The following KIRREL3 variants were observed in gnomAD, a reference collection of about 807,000 sequenced individuals.
KIRREL3 encodes kin of IRRE-like protein 3.
In KIRREL3, 36 loss-of-function variants were observed where a neutral mutation model predicts 89.7. The observed-to-expected ratio is 0.40, with a 90% CI of 0.31 to 0.53. The LOEUF is 0.53. Among genes scored for constraint, KIRREL3 ranks in the 20% least tolerant of loss-of-function variants. The probability of loss-of-function intolerance (pLI) is 0.49; values close to 1 mark genes in which losing one functional copy is unlikely to be tolerated. For synonymous variants in KIRREL3, 445 were observed against 441.4 expected (o/e 1.01, Z -0.10); for missense variants, 864 against 1,056.6 (o/e 0.82, Z 2.53).
intron 4 of KIRREL3, among the ~76,000 whole-genome samples, chr11:126,487,586 CT>C (rs1957399700): frequency 6.6e-6 from 1 of 152,166 alleles, no homozygotes; most frequent in African/African-American, 2.4e-5. Flanking sequence ...CGACCTGAGC[CT>C]TCTTCTTTTT....
chr11:126,428,583 C>T lies in KIRREL3; in HGVS notation c.1806+596G>A, dbSNP rs1955020839. Among the ~76,000 whole-genome samples, 1 of 152,006 alleles carries T rather than the reference C, an allele frequency of 6.6e-6. No individual in the cohort carries two copies. Among genetic ancestry groups the T allele is most frequent in the Non-Finnish European group, 1.5e-5 (1 of 68,026 alleles). ...TATGTTATATAACAACATATTGTGG[C>T]AATTTATGCATATGTCTTTTCTCCT... On this transcript the variant is annotated intron_variant, in intron 15 of 16. Coordinates refer to ENST00000525144, the MANE Select transcript of KIRREL3 (RefSeq NM_032531.4). The surrounding 1 kb of genome is among the most constrained non-coding windows in gnomAD (Gnocchi z 6.4).
At chr11:126,862,162 G>A (rs1944726384) in intron 1 of KIRREL3, among the ~76,000 whole-genome samples, 1 of 152,212 alleles carries the variant, frequency 6.6e-6, no homozygotes, top group Non-Finnish European at 1.5e-5. Context: ...GCATCATGCT[G>A]TTCATACTAC....
chr11:126,843,917 C>T lies in KIRREL3; in HGVS notation c.55+156538G>A, dbSNP rs1944048155. ...CTCAAAAGGGGAGGCATGAATAATC[C>T]CCTTGTTTAGCATATTGTCAAGAAA... On this transcript the variant is annotated intron_variant, in intron 1 of 16. Coordinates refer to ENST00000525144, the MANE Select transcript of KIRREL3 (RefSeq NM_032531.4). The surrounding 1 kb of genome is among the most constrained non-coding windows in gnomAD (Gnocchi z 4.6). Among the ~76,000 whole-genome samples the T allele has an allele frequency of 1.3e-5, 2 of 152,122 alleles. No homozygotes were observed. Among genetic ancestry groups the T allele is most frequent in the South Asian group, 2.1e-4 (1 of 4,820 alleles).
intron 8 of KIRREL3, among the ~76,000 whole-genome samples, chr11:126,447,517 C>G (rs575157964): frequency 7.9e-5 from 12 of 152,346 alleles, no homozygotes; most frequent in Admixed American, 7.8e-4. Context: ...CTATTACAGC[C>G]GTTCCAGCCT....
At chr11:126,542,034 G>A (rs868409806) in intron 2 of KIRREL3, among the ~76,000 whole-genome samples, 9 of 152,218 alleles carry the variant, frequency 5.9e-5, no homozygotes, top group Non-Finnish European at 1.0e-4. Flanking sequence ...AGGACCCTCT[G>A]TGCAATGCTC....
At chr11:126,604,241 G>A (rs1274861409) in intron 1 of KIRREL3, among the ~76,000 whole-genome samples, 7 of 152,152 alleles carry the variant, frequency 4.6e-5, no homozygotes, top group African/African-American at 9.7e-5. Flanking sequence ...AAACGAGGAC[G>A]CAGAGCTGAC....
intron 2 of KIRREL3, among the ~76,000 whole-genome samples, chr11:126,552,627 T>A (rs1939375947): frequency 8.0e-6 from 1 of 125,160 alleles, no homozygotes; most frequent in Non-Finnish European, 1.6e-5. Flanking sequence ...AATGGCACAA[T>A]CTCGGCTCAC....
rs1955006757 is a variant in KIRREL3 at position 126,428,152 on chromosome 11, A to G, written c.1806+1027T>C. Among the ~76,000 whole-genome samples, 3 of 152,068 alleles carry G rather than the reference A, an allele frequency of 2.0e-5. No homozygotes were observed. The highest frequency in any genetic ancestry group is 2.0e-4 in the Admixed American group (3 of 15,260). ...GTTCCATGGGCTTCAAGCCCTTCTG[A>G]GTTTTGTCCACTTCACCCTCACCAC... On this transcript the variant is annotated intron_variant, in intron 15 of 16. Coordinates refer to ENST00000525144, the MANE Select transcript of KIRREL3 (RefSeq NM_032531.4). This position sits in a 1 kb window ranked among gnomAD's most constrained non-coding sequence, Gnocchi z 6.4.
rs1237608948 is a variant in KIRREL3, at chr11:126,576,163, C to G, written c.56-13251G>C. 6.6e-6 allele frequency among the ~76,000 whole-genome samples: 1 copy of G among 152,100 alleles called. No homozygotes were observed. Among genetic ancestry groups the G allele is most frequent in the Non-Finnish European group, 1.5e-5 (1 of 68,024 alleles). On this transcript the variant is annotated intron_variant, in intron 1 of 16. Transcript: ENST00000525144. This position sits in a 1 kb window ranked among gnomAD's most constrained non-coding sequence, Gnocchi z 5.4. ...AATATTTGATTTAGCACTGTGTGTC[C>G]CTTCAAAATTCTGGGGGCCAAGATG...
At position 126,565,254 on chromosome 11, in the gene KIRREL3, G is replaced by C. The variant is rs1048642700; in HGVS notation, c.56-2342C>G. 1.3e-5 allele frequency among the ~76,000 whole-genome samples: 2 copies of C among 152,200 alleles called. No individual in the cohort carries two copies. Among genetic ancestry groups the C allele is most frequent in the Non-Finnish European group, 2.9e-5 (2 of 68,044 alleles). ...GACTCTGGATTGTCTTAGTTGGATA[G>C]AGAACTCAACCTCTCCTATGCCACA... On this transcript the variant is annotated intron_variant, in intron 1 of 16. Transcript: ENST00000525144. This position sits in a 1 kb window ranked among gnomAD's most constrained non-coding sequence, Gnocchi z 5.4.
At position 126,814,217 on chromosome 11, in the gene KIRREL3, G is replaced by A. The variant is rs2134432833; in HGVS notation, c.55+186238C>T. ...AAACCACAATGACATACCATCTCATGCCAGGCAGAATGGCTTTTTTTTTAA... is the reference window on the plus strand; with the variant it reads ...AAACCACAATGACATACCATCTCATACCAGGCAGAATGGCTTTTTTTTTAA... On this transcript the variant is annotated intron_variant, in intron 1 of 16. Coordinates refer to ENST00000525144, the MANE Select transcript of KIRREL3 (RefSeq NM_032531.4). The surrounding 1 kb of genome is among the most constrained non-coding windows in gnomAD (Gnocchi z 4.4). Among the ~76,000 whole-genome samples, 1 of 151,926 alleles carries A rather than the reference G, an allele frequency of 6.6e-6. No individual in the cohort carries two copies. The highest frequency in any genetic ancestry group is 2.1e-4 in the South Asian group (1 of 4,802).
At chr11:126,626,862 G>A (rs537573996) in intron 1 of KIRREL3, among the ~76,000 whole-genome samples, 28 of 152,260 alleles carry the variant, frequency 1.8e-4, no homozygotes, top group African/African-American at 6.5e-4. Context: ...TCAAAAATTA[G>A]CCAGGCGTGG....
At position 126,609,792 on chromosome 11, in the gene KIRREL3, AG is replaced by A. The variant is rs1036255840; in HGVS notation, c.56-46881del. ...CCCCAGTATTCTAATATACAGCAAA[AG>A]TTGAGAGCCACTCGCAGCTCCAGCA... On this transcript the variant is annotated intron_variant, in intron 1 of 16. Transcript: ENST00000525144. The surrounding 1 kb of genome is among the most constrained non-coding windows in gnomAD (Gnocchi z 5.0). 6.6e-6 allele frequency among the ~76,000 whole-genome samples: 1 copy of A among 152,204 alleles called. No individual in the cohort carries two copies. Among genetic ancestry groups the A allele is most frequent in the African/African-American group, 2.4e-5 (1 of 41,462 alleles).
Position 126,431,616 on chromosome 11 carries a change from C to G in KIRREL3, c.1589-90G>C, listed in dbSNP as rs557598373. 5.4e-5 allele frequency: 71 copies of G among 1,315,062 alleles called. No individual in the cohort carries two copies. The East Asian group carries it at 1.5e-3, about 28-fold the overall frequency. The allele number at this position is 1,315,062 out of a possible 1,614,324, so 81.5% of individuals were successfully genotyped here. On this transcript the variant is annotated intron_variant, in intron 13 of 16. Coordinates refer to ENST00000525144, the MANE Select transcript of KIRREL3 (RefSeq NM_032531.4). This position sits in a 1 kb window ranked among gnomAD's most constrained non-coding sequence, Gnocchi z 7.1. ...TCACCCCGTTCCTGCGGGGGCAGCC[C>G]CTGCCACATGGGGCCCTCCTGGGAA...
upstream of KIRREL3, among the ~76,000 whole-genome samples, chr11:127,001,398 T>C (rs1251667300): frequency 6.6e-6 from 1 of 150,860 alleles, no homozygotes; most frequent in Non-Finnish European, 1.5e-5. Context: ...ATGCAGGAAC[T>C]AAAGGGAAGG....
chr11:126,664,465 T>C lies in KIRREL3; in HGVS notation c.56-101553A>G, dbSNP rs1945563537. Reference sequence around the variant, plus strand: ...CTTCCTCCCACCTGCCTACTCTAAATGAAACAGCTCTGTCATACTGGGCTA... The same window carrying C: ...CTTCCTCCCACCTGCCTACTCTAAACGAAACAGCTCTGTCATACTGGGCTA... On this transcript the variant is annotated intron_variant, in intron 1 of 16. Coordinates refer to ENST00000525144, the MANE Select transcript of KIRREL3 (RefSeq NM_032531.4). The surrounding 1 kb of genome is among the most constrained non-coding windows in gnomAD (Gnocchi z 5.4). 6.6e-6 allele frequency among the ~76,000 whole-genome samples: 1 copy of C among 152,140 alleles called. No homozygotes were observed. The highest frequency in any genetic ancestry group is 1.5e-5 in the Non-Finnish European group (1 of 68,034).
At chr11:126,482,231 G>A (rs574392799) in intron 4 of KIRREL3, among the ~76,000 whole-genome samples, 1 of 152,278 alleles carries the variant, frequency 6.6e-6, no homozygotes, top group South Asian at 2.1e-4. Flanking sequence ...TAGAGATGGA[G>A]TTTCACCATG....
intron 4 of KIRREL3, among the ~76,000 whole-genome samples, chr11:126,497,221 TGA>T (rs1957695332): frequency 8.5e-6 from 1 of 117,914 alleles, no homozygotes; most frequent in East Asian, 2.1e-4. Flanking sequence ...TGTGTGAGAG[TGA>T]GTGTGTGTGA....
rs1303116354 is a variant in KIRREL3 at position 126,569,535 on chromosome 11, A to G, written c.56-6623T>C. ...TGTGCAAGAGAAAAAAATAGTAGGCAAACTTCCTAGCCCAAAGATACTATA... is the reference window on the plus strand; with the variant it reads ...TGTGCAAGAGAAAAAAATAGTAGGCGAACTTCCTAGCCCAAAGATACTATA... On this transcript the variant is annotated intron_variant, in intron 1 of 16. Coordinates refer to ENST00000525144, the MANE Select transcript of KIRREL3 (RefSeq NM_032531.4). The surrounding 1 kb of genome is among the most constrained non-coding windows in gnomAD (Gnocchi z 6.5). 6.6e-6 allele frequency among the ~76,000 whole-genome samples: 1 copy of G among 152,242 alleles called. No homozygotes were observed. Among genetic ancestry groups the G allele is most frequent in the Non-Finnish European group, 1.5e-5 (1 of 68,050 alleles).
Sources: gnomAD v4.1 joint callset for allele counts (sites outside exome capture counted in the v4.1 genomes callset) on GRCh38, gnomAD v4.1.1 for gene constraint, Gnocchi (gnomAD v3.1) non-coding constraint, MANE v1.5 for transcripts, NCBI Gene and HGNC (gene_info 2026-07-23, HGNC 2026-07-21) for gene names.